Variants in ANKRD6 observed in about 807,000 individuals in gnomAD.
ANKRD6 encodes the protein ankyrin repeat domain-containing protein 6.
In ANKRD6, 56 loss-of-function variants were observed where a neutral mutation model predicts 82.3. The observed-to-expected ratio is 0.68, with a 90% CI of 0.55 to 0.85. ANKRD6 has a LOEUF of 0.85. Ranked by LOEUF, ANKRD6 falls within the 40% of genes least tolerant of loss-of-function variation. The pLI, the probability that ANKRD6 is intolerant of heterozygous loss-of-function variation, is 0.00. For synonymous variants in ANKRD6, 347 were observed against 352.1 expected, an observed-to-expected ratio of 0.99 and a Z score of 0.16; for missense variants, 852 against 907.6, an observed-to-expected ratio of 0.94 and a Z score of 0.79.
intron 13 of ANKRD6, 54 bp from the exon 14 acceptor site, chr6:89,627,528 CA>C: frequency 6.4e-7 from 1 of 1,562,664 alleles, no homozygotes; most frequent in Non-Finnish European, 8.8e-7. Context: ...GCTGAGAAGC[CA>C]GGGCTCACCC....
intron 4 of ANKRD6, among the ~76,000 whole-genome samples, chr6:89,603,469 A>G (rs867969130): frequency 8.6e-5 from 13 of 152,008 alleles, no homozygotes; most frequent in Admixed American, 4.6e-4. Context: ...GGCATGAGCC[A>G]TTGTGCCCAG....
rs115097450 is a variant in ANKRD6 at position 89,492,194 on chromosome 6, G to A, written c.-144+58819G>A. Among the ~76,000 whole-genome samples the A allele has an allele frequency of 3.9e-3, 601 of 152,324 alleles. 4 individuals are homozygous for A. The highest frequency in any genetic ancestry group is 0.014 in the African/African-American group (568 of 41,576). On this transcript the variant is annotated intron_variant, in intron 1 of 15. Transcript: ENST00000339746. ...TAAGGGCATTTCTGGAGAGAGCGCCGGGGCTGGGAGACAGAGCCCTGTTTG... is the reference window on the plus strand; with the variant it reads ...TAAGGGCATTTCTGGAGAGAGCGCCAGGGCTGGGAGACAGAGCCCTGTTTG...
intron 1 of ANKRD6, among the ~76,000 whole-genome samples, chr6:89,496,755 C>G (rs1778675368): frequency 6.6e-6 from 1 of 152,152 alleles, no homozygotes; most frequent in Non-Finnish European, 1.5e-5. Flanking sequence ...AACTCCTGAT[C>G]TCAGGTGATC....
At chr6:89,442,718 A>G (rs574637133) in intron 1 of ANKRD6, among the ~76,000 whole-genome samples, 2 of 152,088 alleles carry the variant, frequency 1.3e-5, no homozygotes, top group African/African-American at 2.4e-5. Context: ...CTCATTGGCA[A>G]TTGGTTGCAA....
At chr6:89,510,966 T>A (rs996898980) in intron 1 of ANKRD6, among the ~76,000 whole-genome samples, 3 of 152,128 alleles carry the variant, frequency 2.0e-5, no homozygotes, top group African/African-American at 7.2e-5. Context: ...GGACAGGGAA[T>A]AAAGGGAGCG....
At chr6:89,535,365 A>G (rs1320251501) in intron 1 of ANKRD6, among the ~76,000 whole-genome samples, 1 of 152,226 alleles carries the variant, frequency 6.6e-6, no homozygotes, top group African/African-American at 2.4e-5. Context: ...TTGAAACTCT[A>G]CTACCATAGT....
intron 1 of ANKRD6, among the ~76,000 whole-genome samples, chr6:89,542,719 C>G (rs925540879): frequency 6.6e-6 from 1 of 152,176 alleles, no homozygotes; most frequent in Non-Finnish European, 1.5e-5. Context: ...CTTTTAACCT[C>G]AAGACTTTTG....
At chr6:89,484,323 T>A (rs1433599752) in intron 1 of ANKRD6, among the ~76,000 whole-genome samples, 1 of 152,226 alleles carries the variant, frequency 6.6e-6, no homozygotes, top group Non-Finnish European at 1.5e-5. Context: ...AGGATATATG[T>A]CTTTGTCATG....
At chr6:89,452,700 A>G (rs1772998420) in intron 1 of ANKRD6, among the ~76,000 whole-genome samples, 1 of 152,068 alleles carries the variant, frequency 6.6e-6, no homozygotes, top group African/African-American at 2.4e-5. Context: ...GTAATGTGCT[A>G]AATCCCCAGA....
chr6:89,442,884 A>C (rs916398740), intron 1 of ANKRD6, among the ~76,000 whole-genome samples: 13 of 152,150 alleles, frequency 8.5e-5, no homozygotes, highest in African/African-American at 3.1e-4. Context: ...AAACCTTTAA[A>C]AGATGCTGGA....
At chr6:89,561,027 A>G (rs1201426904) in intron 1 of ANKRD6, 3 of 152,174 alleles carry the variant, frequency 2.0e-5, no homozygotes, top group Non-Finnish European at 4.4e-5. Flanking sequence ...TGGTCAGTCA[A>G]TAAGTTATTG....
intron 3 of ANKRD6, among the ~76,000 whole-genome samples, chr6:89,596,878 G>A (rs1356947858): frequency 6.6e-6 from 1 of 152,228 alleles, no homozygotes; most frequent in Non-Finnish European, 1.5e-5. Flanking sequence ...TCATGTAGTA[G>A]AACTCTAAGA....
At chr6:89,558,897 A>G (rs926038035) in intron 1 of ANKRD6, among the ~76,000 whole-genome samples, 3 of 152,226 alleles carry the variant, frequency 2.0e-5, no homozygotes, top group African/African-American at 7.2e-5. Flanking sequence ...CTAAAAGTCT[A>G]TCAGTGAAGA....
intron 1 of ANKRD6, among the ~76,000 whole-genome samples, chr6:89,562,119 G>T (rs1363002015): frequency 1.3e-5 from 2 of 152,190 alleles, no homozygotes; most frequent in Non-Finnish European, 2.9e-5. Flanking sequence ...TTAGATTTCT[G>T]TTGCTTCAAC....
intron 1 of ANKRD6, among the ~76,000 whole-genome samples, chr6:89,536,934 C>T (rs999730206): frequency 1.1e-4 from 17 of 152,128 alleles, no homozygotes; most frequent in African/African-American, 3.9e-4. Flanking sequence ...TTGTAAACCT[C>T]CCGAGGGGTC....
intron 1 of ANKRD6, among the ~76,000 whole-genome samples, chr6:89,458,157 C>A (rs189020784): frequency 6.6e-6 from 1 of 152,112 alleles, no homozygotes; most frequent in African/African-American, 2.4e-5. Context: ...GCCACTGAGT[C>A]TATGGTATTC....
chr6:89,616,766 G>A (rs907205347), intron 8 of ANKRD6, 109 bp downstream of exon 8: 4 of 1,084,700 alleles, frequency 3.7e-6, no homozygotes, highest in East Asian at 4.9e-5. Flanking sequence ...CTGGAAGACG[G>A]GGGATCTCTG....
chr6:89,546,970 T>C (rs1444791086), intron 1 of ANKRD6, among the ~76,000 whole-genome samples: 1 of 151,714 alleles, frequency 6.6e-6, no homozygotes, highest in Non-Finnish European at 1.5e-5. Flanking sequence ...TTTTTTATTT[T>C]GATTTTTTTG....
At chr6:89,584,817 A>T (rs924464614) in intron 2 of ANKRD6, among the ~76,000 whole-genome samples, 10 of 152,136 alleles carry the variant, frequency 6.6e-5, no homozygotes, top group Non-Finnish European at 1.5e-4. Flanking sequence ...GTTTTGTAGG[A>T]TGGGAAGTCT....
Sources: gnomAD v4.1 joint callset for allele counts (sites outside exome capture counted in the v4.1 genomes callset) on GRCh38, gnomAD v4.1.1 for gene constraint, MANE v1.5 for transcripts, NCBI Gene and HGNC (gene_info 2026-07-23, HGNC 2026-07-21) for gene names.